Variants in PFKFB3 observed in about 807,000 individuals in gnomAD.
PFKFB3 encodes the protein 6-phosphofructo-2-kinase/fructose-2,6-bisphosphatase 3.
In PFKFB3, 33 loss-of-function variants were observed where a neutral mutation model predicts 68.0. The ratio of observed to expected loss-of-function variants is 0.49; its 90% confidence interval spans 0.37 to 0.65. The LOEUF (loss-of-function observed/expected upper bound fraction) is 0.65. Among genes scored for constraint, PFKFB3 ranks in the 30% least tolerant of loss-of-function variants. The pLI, the probability that PFKFB3 is intolerant of heterozygous loss-of-function variation, is 0.00. For synonymous variants in PFKFB3, 315 were observed against 288.2 expected, an observed-to-expected ratio of 1.09 and a Z score of -0.94; for missense variants, 586 against 712.2, an observed-to-expected ratio of 0.82 and a Z score of 2.02.
intron 14 of PFKFB3, among the ~76,000 whole-genome samples, chr10:6,241,678 C>G (rs4750160): frequency 0.31 from 46,797 of 152,092 alleles, 8,740 homozygotes; most frequent in Admixed American, 0.4. Flanking sequence ...CATACAAAAA[C>G]TACCAGTGAA....
chr10:6,170,883 G>A (rs558831422), intron 1 of PFKFB3, among the ~76,000 whole-genome samples: 6 of 152,150 alleles, frequency 3.9e-5, no homozygotes, highest in Non-Finnish European at 8.8e-5. Context: ...AAAAAGAAAA[G>A]CTCAGGAAGA....
chr10:6,166,270 C>G (rs1332562769), intron 1 of PFKFB3, among the ~76,000 whole-genome samples: 1 of 152,000 alleles, frequency 6.6e-6, no homozygotes, highest in East Asian at 1.9e-4. Context: ...TGTGAGCTAC[C>G]GTGGTAGAGA....
intron 14 of PFKFB3, among the ~76,000 whole-genome samples, chr10:6,232,082 T>C (rs1254527437): frequency 1.3e-5 from 2 of 152,068 alleles, no homozygotes; most frequent in Non-Finnish European, 2.9e-5. Flanking sequence ...CCACCCTCTT[T>C]AGAGCAGTCC....
intron 1 of PFKFB3, among the ~76,000 whole-genome samples, chr10:6,161,045 C>G (rs773864819): frequency 7.2e-5 from 11 of 152,080 alleles, no homozygotes; most frequent in Non-Finnish European, 1.3e-4. Flanking sequence ...AAGCAATTCT[C>G]CTGCCTCAGA....
the PFKFB3 span, among the ~76,000 whole-genome samples, chr10:6,292,105 C>T: frequency 2.0e-5 from 3 of 150,652 alleles, no homozygotes; most frequent in Non-Finnish European, 3.0e-5. Context: ...AGGCATGTGC[C>T]ACCATGCCTG....
At chr10:6,226,794 T>C (rs1304737547) in intron 14 of PFKFB3, among the ~76,000 whole-genome samples, 4 of 152,114 alleles carry the variant, frequency 2.6e-5, no homozygotes, top group African/African-American at 9.7e-5. Flanking sequence ...GTAAAAAACC[T>C]AACAAACAAG....
chr10:6,230,939 C>T (rs180979583), intron 14 of PFKFB3, among the ~76,000 whole-genome samples: 10 of 152,264 alleles, frequency 6.6e-5, no homozygotes, highest in African/African-American at 2.2e-4. Context: ...TCGTCTCAAA[C>T]TCCTGACCTC....
At chr10:6,275,969 C>T in the PFKFB3 span, among the ~76,000 whole-genome samples, 1 of 152,236 alleles carries the variant, frequency 6.6e-6, no homozygotes, top group East Asian at 1.9e-4. The surrounding 1 kb of genome is among the most constrained non-coding windows in gnomAD (Gnocchi z 4.9). Context: ...TCTCATTCCT[C>T]GAAATATGCT....
chr10:6,302,818 G>T, the PFKFB3 span, among the ~76,000 whole-genome samples: 1 of 152,100 alleles, frequency 6.6e-6, no homozygotes, highest in African/African-American at 2.4e-5. Context: ...TTGTGTGTGT[G>T]TGTGTTTTAT....
At chr10:6,304,487 A>C in the PFKFB3 span, among the ~76,000 whole-genome samples, 2 of 148,652 alleles carry the variant, frequency 1.3e-5, no homozygotes, top group African/African-American at 5.0e-5. Flanking sequence ...AAATGTATCT[A>C]GTATGTTCTT....
intron 14 of PFKFB3, among the ~76,000 whole-genome samples, chr10:6,231,074 G>A (rs939063068): frequency 5.3e-5 from 8 of 152,220 alleles, no homozygotes; most frequent in South Asian, 4.2e-4. Flanking sequence ...ACAACTGTCC[G>A]GACCTGGTGC....
At chr10:6,206,756 T>C (rs578241207) in intron 1 of PFKFB3, among the ~76,000 whole-genome samples, 12 of 136,068 alleles carry the variant, frequency 8.8e-5, no homozygotes, top group Admixed American at 3.7e-4. Context: ...CTCCTCACTT[T>C]CCAGACTGGG....
intron 1 of PFKFB3, among the ~76,000 whole-genome samples, chr10:6,159,599 G>C (rs1053709435): frequency 2.0e-5 from 3 of 151,508 alleles, no homozygotes; most frequent in African/African-American, 4.9e-5. Flanking sequence ...GGCTGAGACA[G>C]GAGAATCGCT....
chr10:6,245,981 C>A (rs1471469741), intron 14 of PFKFB3: 1 of 152,248 alleles, frequency 6.6e-6, no homozygotes, highest in Non-Finnish European at 1.5e-5. Flanking sequence ...GATAAGAAGA[C>A]AATTTCCTTC....
chr10:6,235,803 G>C (rs190556505), downstream of PFKFB3, among the ~76,000 whole-genome samples: 4 of 127,470 alleles, frequency 3.1e-5, no homozygotes, highest in Admixed American at 3.6e-4. Flanking sequence ...TTCTCACTCT[G>C]TCGCCCAGGC....
the PFKFB3 span, among the ~76,000 whole-genome samples, chr10:6,262,452 CAAAAAAAAAAAA>C: frequency 7.2e-5 from 2 of 27,622 alleles, no homozygotes; most frequent in Non-Finnish European, 1.4e-4. Flanking sequence ...GACTCCATCT[CAAAAAAAAAAAA>C]AAAAAAAAAA....
At chr10:6,164,231 G>GCTCTC (rs76722687) in intron 1 of PFKFB3, among the ~76,000 whole-genome samples, 94,957 of 151,690 alleles carry the variant, frequency 0.63, 32,348 homozygotes, top group Non-Finnish European at 0.78. Flanking sequence ...GGCGCCGCCA[G>GCTCTC]TGAGCACCCG....
rs35426728 is a variant in PFKFB3 at position 6,221,226 on chromosome 10, G to A, written c.832-155G>A. On this transcript the variant is annotated intron_variant, in intron 8 of 14. Transcript: ENST00000379775. The stretch of plus-strand genomic sequence containing the variant: ...AGGAAGAGCTGAGCCTGGTCTCTGG[G>A]TAGGGTGTGTGCGGCTGTGGCTGTC... Among the ~76,000 whole-genome samples, 38 of 152,290 alleles carry A rather than the reference G, an allele frequency of 2.5e-4. 1 individual carries two copies. The East Asian group carries it at 3.1e-3, about 12-fold the overall frequency.
intron 1 of PFKFB3, chr10:6,146,499 A>G (rs1222760602): frequency 6.5e-7 from 1 of 1,534,850 alleles, no homozygotes; most frequent in Non-Finnish European, 8.7e-7. Context: ...TAATCCAGGT[A>G]TGATTCGGCC....
Sources: allele counts gnomAD v4.1 joint callset (sites outside exome capture counted in the v4.1 genomes callset), GRCh38; gene constraint gnomAD v4.1.1; non-coding constraint Gnocchi (gnomAD v3.1); transcripts MANE v1.5; gene names NCBI Gene and HGNC (gene_info 2026-07-23, HGNC 2026-07-21).